The following CKAP4 variants were observed in gnomAD, a reference collection of about 807,000 sequenced individuals.
CKAP4 encodes cytoskeleton-associated protein 4.
CKAP4 carries 20 observed loss-of-function variants against 24.4 expected under a neutral mutation model. The ratio of observed to expected loss-of-function variants is 0.82; its 90% CI spans 0.58 to 1.19. CKAP4 has a LOEUF of 1.19. CKAP4 is among the 50% of genes most tolerant of loss of function. CKAP4 has a pLI of 0.00. For synonymous variants in CKAP4, 378 were observed against 351.7 expected (o/e 1.07, Z -0.84); for missense variants, 744 against 765.3 (o/e 0.97, Z 0.33).
intron 1 of CKAP4, among the ~76,000 whole-genome samples, chr12:106,242,517 T>C (rs1370459624): frequency 6.6e-6 from 1 of 152,212 alleles, no homozygotes. Flanking sequence ...AAGTGCTGTC[T>C]AGCTCCATCA....
At position 106,247,798 on chromosome 12, in the gene CKAP4, G is replaced by C; in HGVS notation, c.54C>G (p.Pro18=). 1 of 1,052,864 alleles carries C rather than the reference G, an allele frequency of 9.5e-7. No individual in the cohort carries two copies. The highest frequency in any genetic ancestry group is 1.1e-6 in the Non-Finnish European group (1 of 877,400). The allele number at this position is 1,052,864 out of a possible 1,614,324, so 65.2% of individuals were successfully genotyped here. The change falls in exon 1 of 2, where the codon CCC becomes CCG. Residue 18 remains proline (P), a synonymous_variant. Coordinates refer to ENST00000378026, the MANE Select transcript of CKAP4 (RefSeq NM_006825.4). This position sits in a 1 kb window ranked among gnomAD's most constrained non-coding sequence, Gnocchi z 4.5. ...CCGACGGGTGGGCACCCTTCTCCGA[G>C]GGGCTCGCGGCGCCGTGGCCGCCCT... ...GSKGGHGAAS[P]SEKGAHPSGG...
rs1033196684 is a variant in CKAP4 at position 106,239,925 on chromosome 12, C to G, written c.908G>C (p.Arg303Thr). ...VKEIQTSAKS[R>T]EWDMEALRST... ...TCTCAGGGCCTCCATGTCCCACTCT[C>G]TGGACTTGGCTGAGGTCTGTATCTC... Residue 303 changes from arginine to threonine, a missense_variant, in exon 2 of 2, where the codon AGA becomes ACA. By Grantham distance (71) the Arg-to-Thr change is moderately conservative. Coordinates refer to ENST00000378026, the MANE Select transcript of CKAP4 (RefSeq NM_006825.4). This position sits in a 1 kb window ranked among gnomAD's most constrained non-coding sequence, Gnocchi z 4.9. 2.5e-6 allele frequency: 4 copies of G among 1,614,054 alleles called. No individual in the cohort carries two copies. The African/African-American group carries it at 4.0e-5, about 16-fold the overall frequency.
At chr12:106,240,668 CA>C (rs34175879) in intron 1 of CKAP4, among the ~76,000 whole-genome samples, 1,714 of 86,288 alleles carry the variant, frequency 0.02, 9 homozygotes, top group Non-Finnish European at 0.026. Context: ...TGCTTTGTTG[CA>C]AAAAAAAAAA....
In CKAP4 at chr12:106,239,946, A is replaced by ATC; in HGVS notation, c.885_886dup (p.Ile296ArgfsTer16). The ATC allele has an allele frequency of 6.2e-7, 1 of 1,614,100 alleles. No homozygotes were observed. The highest frequency in any genetic ancestry group is 8.5e-7 in the Non-Finnish European group (1 of 1,180,008). On this transcript the variant is annotated frameshift_variant, in exon 2 of 2. Transcript: ENST00000378026. This position sits in a 1 kb window ranked among gnomAD's most constrained non-coding sequence, Gnocchi z 4.9. ...CTCTCTGGACTTGGCTGAGGTCTGT[A>ATC]TCTCCTTCACAGCTTCCTTTAAGGC... is the stretch of plus-strand genomic sequence containing the variant.
intron 1 of CKAP4, among the ~76,000 whole-genome samples, chr12:106,243,674 G>C (rs1201658796): frequency 6.6e-6 from 1 of 152,212 alleles, no homozygotes; most frequent in African/African-American, 2.4e-5. Context: ...CTCTGGGTAA[G>C]GACAGGCCTG....
chr12:106,243,730 CCAATAA>C (rs2033985806), intron 1 of CKAP4, among the ~76,000 whole-genome samples: 1 of 152,194 alleles, frequency 6.6e-6, no homozygotes, highest in Admixed American at 6.5e-5. Flanking sequence ...GAGCCATTCT[CCAATAA>C]CAAGAACATC....
chr12:106,239,546 G>A lies in CKAP4; in HGVS notation c.1287C>T (p.Arg429=). 6.2e-7 allele frequency: 1 copy of A among 1,612,206 alleles called. No homozygotes were observed. Among genetic ancestry groups the A allele is most frequent in the Non-Finnish European group, 8.5e-7 (1 of 1,179,424 alleles). The change falls in exon 2 of 2, where the codon CGC becomes CGT. Residue 429 remains arginine (R), a synonymous_variant. Coordinates refer to ENST00000378026, the MANE Select transcript of CKAP4 (RefSeq NM_006825.4). The surrounding 1 kb of genome is among the most constrained non-coding windows in gnomAD (Gnocchi z 4.9). ...GVLSMQVASA[R]QTESLESLLS... ...GGAGGGACTCCAGGCTCTCGGTCTG[G>A]CGCGCAGAAGCCACCTGCATGGAGA... is the stretch of plus-strand genomic sequence containing the variant.
At position 106,239,015 on chromosome 12, in the gene CKAP4, G is replaced by C. The variant is rs746491744; in HGVS notation, c.*9C>G. The C allele has an allele frequency of 6.2e-7, 1 of 1,607,262 alleles. No homozygotes were observed. Among genetic ancestry groups the C allele is most frequent in the Non-Finnish European group, 8.5e-7 (1 of 1,174,442 alleles). On this transcript the variant is annotated 3_prime_UTR_variant, in exon 2 of 2. Transcript: ENST00000378026. This position sits in a 1 kb window ranked among gnomAD's most constrained non-coding sequence, Gnocchi z 4.9. ...GACTTTAAATCCGCGCCCTGCACACGCAATTCATTTAGACCTTTTCGTGAA... is the reference window on the plus strand; with the variant it reads ...GACTTTAAATCCGCGCCCTGCACACCCAATTCATTTAGACCTTTTCGTGAA...
intron 1 of CKAP4, among the ~76,000 whole-genome samples, chr12:106,246,562 G>A (rs1282755491): frequency 6.6e-6 from 1 of 152,158 alleles, no homozygotes; most frequent in South Asian, 2.1e-4. Flanking sequence ...GGCCAATACG[G>A]TGAAACTTTG....
In CKAP4 at chr12:106,247,732, C is replaced by T. The variant is rs1156645471; in HGVS notation, c.120G>A (p.Pro40=). Residue 40 remains proline, a synonymous_variant, in exon 1 of 2, where the codon CCG becomes CCA. Coordinates refer to ENST00000378026, the MANE Select transcript of CKAP4 (RefSeq NM_006825.4). This position sits in a 1 kb window ranked among gnomAD's most constrained non-coding sequence, Gnocchi z 4.5. ...DDVAKKPPPA[P]QQPPPPPAPH... ...GCGCGGGCGGCGGCGGCGGCTGCTG[C>T]GGCGCCGGCGGCGGCTTCTTCGCCA... 9.6e-7 allele frequency: 1 copy of T among 1,044,578 alleles called. No homozygotes were observed. Among genetic ancestry groups the T allele is most frequent in the Non-Finnish European group, 1.1e-6 (1 of 874,636 alleles). 64.7% of individuals were successfully genotyped at this position (1,044,578 alleles called of 1,614,324 possible).
chr12:106,240,715 C>A (rs955977785), intron 1 of CKAP4, among the ~76,000 whole-genome samples: 1 of 149,384 alleles, frequency 6.7e-6, no homozygotes, highest in African/African-American at 2.5e-5. Flanking sequence ...AAAACAAGAA[C>A]CTGACTCTAT....
chr12:106,241,852 C>T (rs189303112), intron 1 of CKAP4, among the ~76,000 whole-genome samples: 3 of 151,414 alleles, frequency 2.0e-5, no homozygotes, highest in Admixed American at 1.3e-4. Flanking sequence ...AGGCTGGGCA[C>T]GCATAGGGCA....
chr12:106,244,957 G>C (rs887511149), intron 1 of CKAP4, among the ~76,000 whole-genome samples: 33 of 152,068 alleles, frequency 2.2e-4, no homozygotes, highest in Admixed American at 3.3e-4. Context: ...ATGGAGAAGG[G>C]GTGAGAAGCA....
At position 106,238,990 on chromosome 12, in the gene CKAP4, G is replaced by A; in HGVS notation, c.*34C>T. 1 of 1,593,200 alleles carries A rather than the reference G, an allele frequency of 6.3e-7. No individual in the cohort carries two copies. Among genetic ancestry groups the A allele is most frequent in the East Asian group, 2.2e-5 (1 of 44,512 alleles). On this transcript the variant is annotated 3_prime_UTR_variant, in exon 2 of 2. Transcript: ENST00000378026. Reference sequence around the variant, plus strand: ...CACATTTTTTGGTCATGAGAAATTGGACTTTAAATCCGCGCCCTGCACACG... The same window carrying A: ...CACATTTTTTGGTCATGAGAAATTGAACTTTAAATCCGCGCCCTGCACACG...
In CKAP4 at chr12:106,237,989, CG is replaced by C. The variant is rs1195762628; in HGVS notation, c.*1034del. On this transcript the variant is annotated 3_prime_UTR_variant, in exon 2 of 2. Coordinates refer to ENST00000378026, the MANE Select transcript of CKAP4 (RefSeq NM_006825.4). The stretch of plus-strand genomic sequence containing the variant: ...ACTTTTTTTTTTTTTTTTTACTTTT[CG>C]GGTTTTTTTTTTTTTTTTTTTTTCA... The C allele has an allele frequency of 8.5e-4, 28 of 32,926 alleles. 1 individual carries two copies. Among genetic ancestry groups the C allele is most frequent in the South Asian group, 2.3e-3 (2 of 878 alleles). The allele number at this position is 32,926 out of a possible 1,614,324, so 2.0% of individuals were successfully genotyped here.
Position 106,247,876 on chromosome 12 carries a change from C to A in CKAP4, c.-25G>T. The A allele has an allele frequency of 3.9e-6, 4 of 1,029,864 alleles. No individual in the cohort carries two copies. Among genetic ancestry groups the A allele is most frequent in the Non-Finnish European group, 4.6e-6 (4 of 860,816 alleles). 63.8% of individuals were successfully genotyped at this position (1,029,864 alleles called of 1,614,324 possible). A position where few individuals can be genotyped will look rare whatever the true frequency, so the allele number is the denominator to read the frequency against. On this transcript the variant is annotated 5_prime_UTR_variant, in exon 1 of 2. Transcript: ENST00000378026. The surrounding 1 kb of genome is among the most constrained non-coding windows in gnomAD (Gnocchi z 4.5). ...TGGCGGGCGCGGCGGCGGCTCGGGC[C>A]GCGGGCTGGGAGGCGAGCGAGCGCG...
chr12:106,242,418 G>A (rs1046216451), intron 1 of CKAP4, among the ~76,000 whole-genome samples: 7 of 152,318 alleles, frequency 4.6e-5, no homozygotes, highest in Non-Finnish European at 1.0e-4. Context: ...TCTCGTGCCA[G>A]CCCCACCAGT....
chr12:106,241,569 G>A (rs1490675464), intron 1 of CKAP4, among the ~76,000 whole-genome samples: 1 of 152,050 alleles, frequency 6.6e-6, no homozygotes, highest in African/African-American at 2.4e-5. Flanking sequence ...TCCTGACCTC[G>A]TGATCCGCCC....
At chr12:106,243,171 T>C (rs989233117) in intron 1 of CKAP4, among the ~76,000 whole-genome samples, 11 of 152,202 alleles carry the variant, frequency 7.2e-5, no homozygotes, top group African/African-American at 2.7e-4. Context: ...CGGACACTTG[T>C]GATGGACCAA....
Sources: gnomAD v4.1 joint callset for allele counts (sites outside exome capture counted in the v4.1 genomes callset) on GRCh38, gnomAD v4.1.1 for gene constraint, Gnocchi (gnomAD v3.1) non-coding constraint, MANE v1.5 for transcripts, NCBI Gene and HGNC (gene_info 2026-07-23, HGNC 2026-07-21) for gene names.